The following AMMECR1 variants were observed in gnomAD, a reference collection of about 807,000 sequenced individuals.
AMMECR1 encodes AMMECR nuclear protein 1.
Under a neutral mutation model 22.5 loss-of-function variants are expected in AMMECR1, and 3 were observed. The observed-to-expected ratio is 0.13, with a 90% CI of 0.06 to 0.35. The LOEUF (loss-of-function observed/expected upper bound fraction) is 0.35. Among genes scored for constraint, AMMECR1 ranks in the 10% least tolerant of loss-of-function variants. The pLI is 1.00. For synonymous variants in AMMECR1, 130 were observed against 116.7 expected, an observed-to-expected ratio of 1.11 and a Z score of -0.74; for missense variants, 235 against 278.7, an observed-to-expected ratio of 0.84 and a Z score of 1.12.
At chrX:110,251,827 T>C (rs1289324651) in intron 2 of AMMECR1, among the ~76,000 whole-genome samples, 1 of 112,130 alleles carries the variant, frequency 8.9e-6, no homozygotes, top group African/African-American at 3.2e-5. Context: ...TGACTGATTA[T>C]GGGGTCACTG....
At chrX:110,286,162 A>G (rs778508284) in intron 1 of AMMECR1, among the ~76,000 whole-genome samples, 3 of 112,059 alleles carry the variant, frequency 2.7e-5, no homozygotes, top group African/African-American at 9.8e-5. Flanking sequence ...TCTAACGAAC[A>G]TAAGTATACT....
chrX:110,276,886 A>G, intron 1 of AMMECR1, among the ~76,000 whole-genome samples: 1 of 110,855 alleles, frequency 9.0e-6, no homozygotes, highest in African/African-American at 3.3e-5. Flanking sequence ...CTGAGTTCCT[A>G]TCTCTGTCTC....
intron 2 of AMMECR1, 105 bp from the exon 3 acceptor site, chrX:110,216,737 G>GT (rs1569375550): frequency 4.1e-6 from 2 of 488,472 alleles, no homozygotes; most frequent in Non-Finnish European, 6.8e-6. Flanking sequence ...AAAAGAATCA[G>GT]TAAGATGTCA....
At chrX:110,239,234 G>A (rs1051776765) in intron 2 of AMMECR1, among the ~76,000 whole-genome samples, 3 of 111,034 alleles carry the variant, frequency 2.7e-5, no homozygotes, top group Admixed American at 9.6e-5. Flanking sequence ...CAGAAGGTGG[G>A]TAATAACAAA....
chrX:110,433,467 T>C (rs1160960020), intron 1 of AMMECR1, among the ~76,000 whole-genome samples: 1 of 110,836 alleles, frequency 9.0e-6, no homozygotes, highest in East Asian at 2.8e-4. Flanking sequence ...CTAGGAAGGG[T>C]AATGAGGAAG....
intron 2 of AMMECR1, among the ~76,000 whole-genome samples, chrX:110,406,249 C>G (rs1191624504): frequency 9.1e-6 from 1 of 109,575 alleles, no homozygotes; most frequent in African/African-American, 3.3e-5. Context: ...TAATGCTATC[C>G]CTCCCCTAGC....
chrX:110,395,091 A>G (rs1247468873), intron 2 of AMMECR1, among the ~76,000 whole-genome samples: 1 of 112,289 alleles, frequency 8.9e-6, no homozygotes, highest in East Asian at 2.8e-4. Context: ...GAAGGTGGGG[A>G]GTGTATGTAG....
At chrX:110,350,540 A>G (rs925137376) in intron 2 of AMMECR1, among the ~76,000 whole-genome samples, 2 of 112,310 alleles carry the variant, frequency 1.8e-5, no homozygotes, top group Non-Finnish European at 3.8e-5. Context: ...GATCTTATAC[A>G]TAGAAAACCC....
chrX:110,401,252 G>A (rs751578957), intron 2 of AMMECR1, among the ~76,000 whole-genome samples: 1 of 111,216 alleles, frequency 9.0e-6, no homozygotes, highest in South Asian at 3.9e-4. Flanking sequence ...ATGGTGAGCA[G>A]AGTCAGCTCT....
At position 110,330,884 on chromosome X, in the gene AMMECR1, C is replaced by T. The variant is rs187670752; in HGVS notation, c.-147-13035G>A. Among the ~76,000 whole-genome samples, 228 of 111,685 alleles carry T rather than the reference C, an allele frequency of 2.0e-3. 1 individual carries two copies. The highest frequency in any genetic ancestry group is 3.1e-3 in the Non-Finnish European group (166 of 53,092). ...CTAGCCTACTTGAAAGAATAACTCTCATATACTGTTTCCACCCTCCTCATC... is the reference window on the plus strand; with the variant it reads ...CTAGCCTACTTGAAAGAATAACTCTTATATACTGTTTCCACCCTCCTCATC... On this transcript the variant is annotated intron_variant, in intron 2 of 7. Coordinates refer to the AMMECR1 transcript ENST00000372057.
chrX:110,390,217 A>G (rs1046460776), intron 2 of AMMECR1, among the ~76,000 whole-genome samples: 1 of 112,138 alleles, frequency 8.9e-6, no homozygotes, highest in Non-Finnish European at 1.9e-5. Context: ...TACAAGGTAC[A>G]TAAATATATG....
intron 1 of AMMECR1, among the ~76,000 whole-genome samples, chrX:110,432,556 G>C (rs926617665): frequency 8.9e-6 from 1 of 112,044 alleles, no homozygotes; most frequent in African/African-American, 3.3e-5. Context: ...ACCTGTGAGC[G>C]TGGCACCTCA....
intron 2 of AMMECR1, among the ~76,000 whole-genome samples, chrX:110,414,060 G>T (rs1043834606): frequency 9.0e-6 from 1 of 111,672 alleles, no homozygotes; most frequent in Non-Finnish European, 1.9e-5. Context: ...AGAATCTTGC[G>T]TATATCCCCA....
intron 2 of AMMECR1, among the ~76,000 whole-genome samples, chrX:110,357,882 G>A (rs138662333): frequency 5.2e-4 from 58 of 111,428 alleles, no homozygotes; most frequent in African/African-American, 1.7e-3. Context: ...CCAAATGCAT[G>A]TTCCAGTCCC....
At chrX:110,406,633 C>T (rs933632867) in intron 2 of AMMECR1, among the ~76,000 whole-genome samples, 3 of 111,698 alleles carry the variant, frequency 2.7e-5, no homozygotes, top group Non-Finnish European at 3.8e-5. Context: ...GTAATGGGAT[C>T]GCTGGGTCAA....
At chrX:110,256,792 T>C (rs2067713404) in intron 2 of AMMECR1, among the ~76,000 whole-genome samples, 1 of 111,743 alleles carries the variant, frequency 8.9e-6, no homozygotes, top group Non-Finnish European at 1.9e-5. Context: ...TTCTTTTGCC[T>C]TCTACTTTTA....
chrX:110,202,307 T>C (rs1234912720), intron 4 of AMMECR1, 139 bp downstream of exon 4: 2 of 450,600 alleles, frequency 4.4e-6, no homozygotes, highest in East Asian at 3.8e-5. Context: ...GACATTGCAG[T>C]GGCAGTGATG....
intron 2 of AMMECR1, among the ~76,000 whole-genome samples, chrX:110,387,421 AG>A (rs1222292600): frequency 8.9e-6 from 1 of 112,495 alleles, no homozygotes; most frequent in African/African-American, 3.2e-5. Flanking sequence ...TAGAAAAATC[AG>A]AAGACCTGGC....
intron 2 of AMMECR1, among the ~76,000 whole-genome samples, chrX:110,263,295 C>G (rs900014631): frequency 4.6e-4 from 51 of 110,987 alleles, no homozygotes; most frequent in African/African-American, 1.6e-3. Flanking sequence ...GTGTTTCAAC[C>G]CTTACAGCCT....
Sources: gnomAD v4.1 joint callset for allele counts (sites outside exome capture counted in the v4.1 genomes callset) on GRCh38, gnomAD v4.1.1 for gene constraint, MANE v1.5 for transcripts, NCBI Gene and HGNC (gene_info 2026-07-23, HGNC 2026-07-21) for gene names.